KIF26B: variants seen among roughly 807,000 people sequenced by gnomAD.
KIF26B encodes the protein kinesin-like protein KIF26B.
Under a neutral mutation model 151.2 loss-of-function variants are expected in KIF26B, and 63 were observed. That is an observed-to-expected ratio of 0.42 (90% CI 0.34 to 0.51). The LOEUF (loss-of-function observed/expected upper bound fraction) is 0.51. Ranked by LOEUF, KIF26B falls within the 20% of genes least tolerant of loss-of-function variation. The pLI is 0.07. For synonymous variants in KIF26B, 1,357 were observed against 1,262.1 expected (o/e 1.08, Z -1.59); for missense variants, 2,813 against 2,913.6 (o/e 0.97, Z 0.79).
At chr1:245,695,789 CGGGT>C in intron 12 of KIF26B, among the ~76,000 whole-genome samples, 1 of 149,394 alleles carries the variant, frequency 6.7e-6, no homozygotes, top group African/African-American at 2.5e-5. Context: ...TGCCCTGGCA[CGGGT>C]ATTGGCAGGA....
intron 4 of KIF26B, among the ~76,000 whole-genome samples, chr1:245,463,020 A>G (rs1659686200): frequency 6.6e-6 from 1 of 152,210 alleles, no homozygotes; most frequent in African/African-American, 2.4e-5. Flanking sequence ...GATAGCACAC[A>G]GTATGAGGTG....
At chr1:245,326,649 G>A (rs1384805002) in intron 2 of KIF26B, among the ~76,000 whole-genome samples, 1 of 152,210 alleles carries the variant, frequency 6.6e-6, no homozygotes, top group Non-Finnish European at 1.5e-5. Flanking sequence ...GCAGCAGCTG[G>A]TAAGGACCAG....
rs1227017933 is a variant in KIF26B at position 245,156,233 on chromosome 1, T to A, written c.64-49T>A. The stretch of plus-strand genomic sequence containing the variant: ...CACGTATGACCCAGCTCCTGGGCGC[T>A]GCAGCCCGCCGCCTTGCAGCCCCTG... On this transcript the variant is annotated intron_variant, in intron 1 of 14. Coordinates refer to ENST00000407071, the MANE Select transcript of KIF26B (RefSeq NM_018012.4). 5 of 1,528,990 alleles carry A rather than the reference T, an allele frequency of 3.3e-6. No homozygotes were observed. In the African/African-American group the frequency reaches 4.2e-5, roughly 13 times the overall value. The allele number at this position is 1,528,990 out of a possible 1,614,324, so 94.7% of individuals were successfully genotyped here.
At chr1:245,249,521 C>T (rs1258755658) in intron 2 of KIF26B, among the ~76,000 whole-genome samples, 1 of 118,920 alleles carries the variant, frequency 8.4e-6, no homozygotes, top group Non-Finnish European at 1.6e-5. Context: ...TGAGTCTCAC[C>T]TTGTCGCCTA....
chr1:245,605,034 G>A (rs886716313), intron 6 of KIF26B, among the ~76,000 whole-genome samples: 1 of 152,144 alleles, frequency 6.6e-6, no homozygotes, highest in Admixed American at 6.5e-5. Context: ...CGGTATGGTG[G>A]TGTATCTTTG....
At chr1:245,577,703 T>G (rs531619677) in intron 5 of KIF26B, among the ~76,000 whole-genome samples, 183 of 138,682 alleles carry the variant, frequency 1.3e-3, no homozygotes, top group African/African-American at 4.9e-3. Flanking sequence ...GGGCGATGCA[T>G]CTCCTCACCG....
intron 5 of KIF26B, among the ~76,000 whole-genome samples, chr1:245,561,692 A>G (rs1330164232): frequency 6.6e-6 from 1 of 152,174 alleles, no homozygotes; most frequent in East Asian, 1.9e-4. Flanking sequence ...CAACTCATTA[A>G]AGTTGTCTCT....
intron 4 of KIF26B, among the ~76,000 whole-genome samples, chr1:245,429,996 G>A (rs1658740052): frequency 6.6e-6 from 1 of 152,312 alleles, no homozygotes; most frequent in East Asian, 1.9e-4. Context: ...ATGGGGAGGG[G>A]CTTTAAGAAT....
At chr1:245,300,462 A>G (rs1047086422) in intron 2 of KIF26B, among the ~76,000 whole-genome samples, 2 of 152,128 alleles carry the variant, frequency 1.3e-5, no homozygotes, top group African/African-American at 4.8e-5. Flanking sequence ...TCTTTGGTTC[A>G]AGTTCCTCTT....
chr1:245,238,738 T>G lies in KIF26B; in HGVS notation c.465+82055T>G, dbSNP rs554960207. On this transcript the variant is annotated intron_variant, in intron 2 of 14. Transcript: ENST00000407071. Reference sequence around the variant, plus strand: ...TTAGCTGGGTGTAGTGGCAGGCGCCTGTAATCTCAGCTACTCGGGAGGCTG... The same window carrying G: ...TTAGCTGGGTGTAGTGGCAGGCGCCGGTAATCTCAGCTACTCGGGAGGCTG... 5.1e-3 allele frequency among the ~76,000 whole-genome samples: 769 copies of G among 152,098 alleles called. 3 individuals are homozygous for G. The highest frequency in any genetic ancestry group is 8.1e-3 in the Non-Finnish European group (552 of 67,958).
At chr1:245,474,657 C>T (rs533223354) in intron 4 of KIF26B, among the ~76,000 whole-genome samples, 1 of 151,776 alleles carries the variant, frequency 6.6e-6, no homozygotes, top group Non-Finnish European at 1.5e-5. Flanking sequence ...AGGTGATCCG[C>T]CTGCCTTGGC....
At chr1:245,176,094 G>C (rs762565852) in intron 2 of KIF26B, among the ~76,000 whole-genome samples, 6 of 151,948 alleles carry the variant, frequency 3.9e-5, no homozygotes, top group Non-Finnish European at 5.9e-5. Context: ...CTGCCTCCCG[G>C]GTTCAAGCGA....
intron 4 of KIF26B, among the ~76,000 whole-genome samples, chr1:245,536,367 C>T (rs567415262): frequency 6.6e-5 from 10 of 152,142 alleles, no homozygotes; most frequent in Non-Finnish European, 1.2e-4. Flanking sequence ...CTGTAGTCTT[C>T]GTTCATTCAT....
At chr1:245,336,731 T>A (rs1672241885) in intron 2 of KIF26B, among the ~76,000 whole-genome samples, 1 of 152,202 alleles carries the variant, frequency 6.6e-6, no homozygotes, top group African/African-American at 2.4e-5. Flanking sequence ...TGAATACATC[T>A]GATACCCTAT....
intron 2 of KIF26B, among the ~76,000 whole-genome samples, chr1:245,349,395 T>G (rs1271936186): frequency 6.6e-6 from 1 of 152,078 alleles, no homozygotes; most frequent in African/African-American, 2.4e-5. Flanking sequence ...TTGATGGTAA[T>G]GGATGGAAAT....
At chr1:245,256,645 G>A (rs6677893) in intron 2 of KIF26B, among the ~76,000 whole-genome samples, 90,258 of 151,964 alleles carry the variant, frequency 0.59, 28,464 homozygotes, top group African/African-American at 0.81. Context: ...TCTAAAGTCA[G>A]CCTGAAATGC....
chr1:245,255,742 AG>A (rs780946499), intron 2 of KIF26B, among the ~76,000 whole-genome samples: 3 of 152,244 alleles, frequency 2.0e-5, no homozygotes, highest in Non-Finnish European at 4.4e-5. Context: ...AGTATATTAT[AG>A]ATGCAAAATC....
intron 2 of KIF26B, among the ~76,000 whole-genome samples, chr1:245,276,100 G>T (rs1169753830): frequency 6.6e-6 from 1 of 152,122 alleles, no homozygotes; most frequent in Non-Finnish European, 1.5e-5. Context: ...CCAGCACTCT[G>T]GGAGGCTGAG....
chr1:245,672,455 G>A (rs7544882), intron 10 of KIF26B, among the ~76,000 whole-genome samples: 1 of 152,254 alleles, frequency 6.6e-6, no homozygotes, highest in South Asian at 2.1e-4. Context: ...CCTCCGGACA[G>A]GGTGATGTTA....
Sources: allele counts gnomAD v4.1 joint callset (sites outside exome capture counted in the v4.1 genomes callset), GRCh38; gene constraint gnomAD v4.1.1; transcripts MANE v1.5; gene names NCBI Gene and HGNC (gene_info 2026-07-23, HGNC 2026-07-21).